Variants in G6PC1 observed in about 807,000 individuals in gnomAD.
G6PC1 encodes the protein glucose-6-phosphatase catalytic subunit 1, also known as G-6-Pase.
G6PC1 carries 23 observed loss-of-function variants against 30.4 expected under a neutral mutation model. The observed-to-expected ratio is 0.76, with a 90% CI of 0.55 to 1.07. The LOEUF (loss-of-function observed/expected upper bound fraction) is 1.07. Ranked by LOEUF, G6PC1 falls within the 50% of genes least tolerant of loss-of-function variation. The probability of loss-of-function intolerance (pLI) is 0.00; values close to 1 mark genes in which losing one functional copy is unlikely to be tolerated. For synonymous variants in G6PC1, 163 were observed against 175.6 expected (o/e 0.93, Z 0.57); for missense variants, 391 against 433.9 (o/e 0.90, Z 0.88).
At chr17:42,907,427 T>C (rs1347841251) in intron 2 of G6PC1, 96 bp from the exon 3 acceptor site, 1 of 780,348 alleles carries the variant, frequency 1.3e-6, no homozygotes, top group Non-Finnish European at 2.2e-6. Flanking sequence ...GGTAGATGGG[T>C]GGATAGGGGG....
At chr17:42,905,436 A>C (rs1015804357) in intron 2 of G6PC1, among the ~76,000 whole-genome samples, 1 of 138,602 alleles carries the variant, frequency 7.2e-6, no homozygotes, top group Non-Finnish European at 1.5e-5. Context: ...AAAAATATAT[A>C]TATATATACA....
chr17:42,911,233 T>G lies in G6PC1; in HGVS notation c.881T>G (p.Phe294Cys). The G allele has an allele frequency of 6.2e-7, 1 of 1,614,174 alleles. No individual in the cohort carries two copies. Among genetic ancestry groups the G allele is most frequent in the Admixed American group, 1.7e-5 (1 of 60,020 alleles). ...CKGKLSKWLPFRLSSIVASLV... is the reference protein window; with the variant it reads ...CKGKLSKWLPCRLSSIVASLV... ...GGGAAACTCAGCAAGTGGCTCCCAT[T>G]CCGCCTCAGCTCTATTGTAGCCTCC... The change falls in exon 5 of 5, where the codon TTC becomes TGC. Residue 294 changes from phenylalanine (F) to cysteine (C), a missense_variant. Transcript: ENST00000253801.
intron 2 of G6PC1, among the ~76,000 whole-genome samples, chr17:42,906,899 CAAAT>C (rs928052500): frequency 1.3e-5 from 2 of 151,610 alleles, no homozygotes; most frequent in Non-Finnish European, 2.9e-5. Flanking sequence ...AAAAAACAAA[CAAAT>C]AAAAAAACGG....
chr17:42,901,368 A>G (rs2056025126), intron 1 of G6PC1, among the ~76,000 whole-genome samples: 1 of 152,166 alleles, frequency 6.6e-6, no homozygotes, highest in Non-Finnish European at 1.5e-5. Flanking sequence ...AGTCTGAGTT[A>G]TATAGGCTTT....
In G6PC1 at chr17:42,901,037, A is replaced by G. The variant is rs1057517008; in HGVS notation, c.161A>G (p.Gln54Arg). The change falls in exon 1 of 5, where the codon CAG becomes CGG. Residue 54 changes from glutamine (Q) to arginine (R), a missense_variant. Coordinates refer to ENST00000253801, the MANE Select transcript of G6PC1 (RefSeq NM_000151.4). ...CTCTTCCCCATCTGGTTCCATCTTC[A>G]GGAAGCTGTGGGCATTAAACTCCTT... ...YVLFPIWFHL[Q>R]EAVGIKLLWV... 2 of 1,614,168 alleles carry G rather than the reference A, an allele frequency of 1.2e-6. No individual in the cohort carries two copies. The highest frequency in any genetic ancestry group is 1.3e-5 in the African/African-American group (1 of 75,036).
chr17:42,901,619 G>A lies in G6PC1; in HGVS notation c.230+513G>A, dbSNP rs1489515159. ...TGCTGTAGTCCCAGCTACTCAGGAG[G>A]CTGAGGTGAGAGGCGGAGGAGGTTG... On this transcript the variant is annotated intron_variant, in intron 1 of 4. Coordinates refer to ENST00000253801, the MANE Select transcript of G6PC1 (RefSeq NM_000151.4). Among the ~76,000 whole-genome samples, 4 of 151,936 alleles carry A rather than the reference G, an allele frequency of 2.6e-5. No individual in the cohort carries two copies. The East Asian group carries it at 7.7e-4, about 29-fold the overall frequency.
chr17:42,904,326 G>A (rs988344448), intron 2 of G6PC1: 1 of 418,006 alleles, frequency 2.4e-6, no homozygotes, highest in Non-Finnish European at 4.5e-6. Context: ...GAGAAAGGAG[G>A]GGGCAGAAGC....
At position 42,911,343 on chromosome 17, in the gene G6PC1, G is replaced by A; in HGVS notation, c.991G>A (p.Ala331Thr). 3 of 1,614,176 alleles carry A rather than the reference G, an allele frequency of 1.9e-6. No individual in the cohort carries two copies. The highest frequency in any genetic ancestry group is 1.7e-6 in the Non-Finnish European group (2 of 1,180,036). Residue 331 changes from alanine (A) to threonine (T), a missense_variant, in exon 5 of 5, where the codon GCG (alanine) becomes ACG (threonine). Transcript: ENST00000253801. ...VFYVLSFCKS[A>T]VVPLASVSVI... ...CTACGTCTTGTCCTTCTGCAAGAGT[G>A]CGGTAGTGCCCCTGGCATCCGTCAG...
Position 42,903,825 on chromosome 17 carries a change from A to G in G6PC1, c.231-106A>G, listed in dbSNP as rs1304923555. 1.4e-5 allele frequency: 11 copies of G among 791,926 alleles called. No individual in the cohort carries two copies. The East Asian group carries it at 2.7e-4, about 19-fold the overall frequency. 49.1% of individuals were successfully genotyped at this position (791,926 alleles called of 1,614,324 possible). A position where few individuals can be genotyped will look rare whatever the true frequency, so the allele number is the denominator to read the frequency against. ...CCAGCCACCCAGTTCTCCCTTCTAG[A>G]GGCAACATGTGAAATCCTTCTCAGG... On this transcript the variant is annotated intron_variant, in intron 1 of 4. Transcript: ENST00000253801.
Position 42,901,016 on chromosome 17 carries a change from TC to T in G6PC1, c.144del (p.Ile49SerfsTer16). On this transcript the variant is annotated frameshift_variant, in exon 1 of 5. Coordinates refer to ENST00000253801, the MANE Select transcript of G6PC1 (RefSeq NM_000151.4). LOFTEE classifies it high-confidence loss of function. Reference protein sequence around the residue: ...ADLRNAFYVLFPIWFHLQEAV... With the variant: ...ADLRNAFYVLXPIWFHLQEAV... ...CTCAGGAATGCCTTCTACGTCCTCT[TC>T]CCCATCTGGTTCCATCTTCAGGAAG... 1 of 1,614,188 alleles carries T rather than the reference TC, an allele frequency of 6.2e-7. No individual in the cohort carries two copies. The highest frequency in any genetic ancestry group is 1.1e-5 in the South Asian group (1 of 91,080).
At chr17:42,905,443 T>TACACACACAC (rs748185736) in intron 2 of G6PC1, among the ~76,000 whole-genome samples, 23 of 87,924 alleles carry the variant, frequency 2.6e-4, no homozygotes, top group African/African-American at 1.2e-3. Context: ...TATATATATA[T>TACACACACAC]ACACACACAC....
rs780317668 is a variant in G6PC1, at chr17:42,911,248, T to C, written c.896T>C (p.Ile299Thr). 4 of 1,614,104 alleles carry C rather than the reference T, an allele frequency of 2.5e-6. No homozygotes were observed. The highest frequency in any genetic ancestry group is 1.7e-5 in the Admixed American group (1 of 60,000). Residue 299 changes from isoleucine to threonine, a missense_variant, in exon 5 of 5, where the codon ATT (isoleucine) becomes ACT (threonine). Transcript: ENST00000253801. ...SKWLPFRLSSIVASLVLLHVF... is the reference protein window; with the variant it reads ...SKWLPFRLSSTVASLVLLHVF... Reference sequence around the variant, plus strand: ...TGGCTCCCATTCCGCCTCAGCTCTATTGTAGCCTCCCTCGTCCTCCTGCAC... The same window carrying C: ...TGGCTCCCATTCCGCCTCAGCTCTACTGTAGCCTCCCTCGTCCTCCTGCAC...
At chr17:42,904,092 T>C in intron 2 of G6PC1, 52 bp downstream of exon 2, 1 of 1,241,504 alleles carries the variant, frequency 8.1e-7, no homozygotes, top group Non-Finnish European at 1.2e-6. Context: ...CGTTTACCTG[T>C]TATGGATGAA....
rs199505156 is a variant in G6PC1 at position 42,909,428 on chromosome 17, G to A, written c.562+10G>A. ...GCTGGAGTCCTGTCAGGTATGGGCT[G>A]ATCTGACTCCCTTCCTTCTCCCCCA... is the stretch of plus-strand genomic sequence containing the variant. On this transcript the variant is annotated intron_variant, in intron 4 of 4. Transcript: ENST00000253801. The A allele has an allele frequency of 1.6e-4, 258 of 1,586,118 alleles. 2 individuals carry two copies. In the African/African-American group the frequency reaches 3.0e-3, roughly 18 times the overall value.
Position 42,911,084 on chromosome 17 carries a change from G to A in G6PC1, c.732G>A (p.Trp244Ter), listed in dbSNP as rs1204708376. Residue 244 changes from tryptophan (W) to a stop codon, truncating the protein, a stop_gained, in exon 5 of 5, where the codon TGG becomes TGA. Transcript: ENST00000253801. LOFTEE classifies it high-confidence loss of function. ...LLWTLEKAQR[W>*]CEQPEWVHID... ...GGACTCTGGAGAAAGCCCAGAGGTG[G>A]TGCGAGCAGCCAGAATGGGTCCACA... is the stretch of plus-strand genomic sequence containing the variant. The A allele has an allele frequency of 2.5e-6, 4 of 1,614,030 alleles. No individual in the cohort carries two copies. In the African/African-American group the frequency reaches 5.3e-5, roughly 22 times the overall value.
intron 2 of G6PC1, chr17:42,904,297 C>T (rs541880246): frequency 6.7e-5 from 31 of 462,068 alleles, no homozygotes; most frequent in South Asian, 6.0e-4. Flanking sequence ...AGAGTCACCG[C>T]CCTGCAGCGC....
chr17:42,905,914 C>T (rs140947521), intron 2 of G6PC1, among the ~76,000 whole-genome samples: 2,713 of 151,826 alleles, frequency 0.018, 73 homozygotes, highest in African/African-American at 0.06. Flanking sequence ...GGCATGGTGG[C>T]GGGCGCCTGT....
chr17:42,911,884 G>A lies in G6PC1; in HGVS notation c.*458G>A, dbSNP rs1002097557. On this transcript the variant is annotated 3_prime_UTR_variant, in exon 5 of 5. Transcript: ENST00000253801. ...ATGAAGCTATTGAGAAAGACCTGTTGCTAGAAGTTGGGTTGTTCTGGATTT... is the reference window on the plus strand; with the variant it reads ...ATGAAGCTATTGAGAAAGACCTGTTACTAGAAGTTGGGTTGTTCTGGATTT... 1.6e-5 allele frequency: 3 copies of A among 188,122 alleles called. No individual in the cohort carries two copies. The highest frequency in any genetic ancestry group is 3.4e-5 in the Non-Finnish European group (3 of 89,222). The allele number at this position is 188,122 out of a possible 1,614,324, so 11.7% of individuals were successfully genotyped here.
chr17:42,903,929 AGGATT>A lies in G6PC1; in HGVS notation c.231-1_234del. On this transcript the variant is annotated splice_acceptor_variant and coding_sequence_variant, in exon 2 of 5. Transcript: ENST00000253801. LOFTEE classifies it high-confidence loss of function. ...CCAGAAACTTGTTCTGTTTTTCCATAGGATTCTCTTTGGACAGCGTCCATACTGGT... is the reference window on the plus strand; with the variant it reads ...CCAGAAACTTGTTCTGTTTTTCCATACTCTTTGGACAGCGTCCATACTGGT... The A allele has an allele frequency of 1.2e-6, 2 of 1,601,954 alleles. No individual in the cohort carries two copies. The highest frequency in any genetic ancestry group is 1.7e-6 in the Non-Finnish European group (2 of 1,168,980).
Sources: gnomAD v4.1 joint callset for allele counts (sites outside exome capture counted in the v4.1 genomes callset) on GRCh38, gnomAD v4.1.1 for gene constraint, MANE v1.5 for transcripts, NCBI Gene and HGNC (gene_info 2026-07-23, HGNC 2026-07-21) for gene names.